PARP9: variants seen among roughly 807,000 people sequenced by gnomAD.
The protein encoded by PARP9 is protein mono-ADP-ribosyltransferase PARP9.
PARP9 carries 48 observed loss-of-function variants against 68.8 expected under a neutral mutation model. The ratio of observed to expected loss-of-function variants is 0.70; its 90% confidence interval spans 0.55 to 0.89. The LOEUF is 0.89. Among genes scored for constraint, PARP9 ranks in the 40% least tolerant of loss-of-function variants. The probability of loss-of-function intolerance (pLI) is 0.00; values close to 1 mark genes in which losing one functional copy is unlikely to be tolerated. For synonymous variants in PARP9, 309 were observed against 333.8 expected (o/e 0.93, Z 0.81); for missense variants, 806 against 969.3 (o/e 0.83, Z 2.24).
At chr3:122,530,534 T>C (rs948444491) in intron 10 of PARP9, among the ~76,000 whole-genome samples, 9 of 152,156 alleles carry the variant, frequency 5.9e-5, no homozygotes, top group Non-Finnish European at 1.0e-4. Flanking sequence ...CTTTGGGGTA[T>C]TAAAAACACT....
At position 122,540,750 on chromosome 3, in the gene PARP9, T is replaced by C. The variant is rs1280770390; in HGVS notation, c.1487A>G (p.His496Arg). 1.9e-6 allele frequency: 3 copies of C among 1,614,062 alleles called. No individual in the cohort carries two copies. The highest frequency in any genetic ancestry group is 2.5e-6 in the Non-Finnish European group (3 of 1,180,038). ...GFNVEEMYEA[H>R]AWIQRILSLQ... is the part of the protein sequence containing the mutation. ...ACTCAGGATTCTTTGGATCCATGCGTGGGCCTCATACATCTCTTCCACGTT... is the reference window on the plus strand; with the variant it reads ...ACTCAGGATTCTTTGGATCCATGCGCGGGCCTCATACATCTCTTCCACGTT... The change falls in exon 8 of 11, where the codon CAC becomes CGC. Residue 496 changes from histidine to arginine, a missense_variant. Physicochemically the swap from His to Arg is conservative, Grantham distance 29. Around this residue, in one of 2 missense-constraint regions of PARP9, gnomAD observed 680 missense variants for 858.8 expected, o/e 0.79. Coordinates refer to ENST00000682323, the MANE Select transcript of PARP9 (RefSeq NM_001146105.2).
chr3:122,536,727 T>C, intron 9 of PARP9: 1 of 593,622 alleles, frequency 1.7e-6, no homozygotes, highest in Admixed American at 3.5e-5. Context: ...CTTGCTTCTG[T>C]GTGTCCTGAT....
chr3:122,558,184 G>T, intron 3 of PARP9: 1 of 1,035,726 alleles, frequency 9.7e-7, no homozygotes, highest in Non-Finnish European at 1.4e-6. Flanking sequence ...GGTCAATTCA[G>T]CCATAGGCTG....
intron 10 of PARP9, chr3:122,532,538 G>T: frequency 1.6e-6 from 1 of 614,532 alleles, no homozygotes; most frequent in South Asian, 7.2e-5. Flanking sequence ...CCACATCTGT[G>T]GTCATGGGGA....
chr3:122,555,700 C>A lies in PARP9; in HGVS notation c.471G>T (p.Gln157His). Residue 157 changes from glutamine (Q) to histidine (H), a missense_variant, in exon 4 of 11, where the codon CAG becomes CAT. Around this residue, in one of 2 missense-constraint regions of PARP9, gnomAD observed 680 missense variants for 858.8 expected, o/e 0.79. Transcript: ENST00000682323. ...ACCGAGGCCCAACAGCATGGATGATCTGTTTGCAGGGAAGCCTCCCTGCTC... is the reference window on the plus strand; with the variant it reads ...ACCGAGGCCCAACAGCATGGATGATATGTTTGCAGGGAAGCCTCCCTGCTC... ...VTGAGRLPCK[Q>H]IIHAVGPRWM... The A allele has an allele frequency of 1.9e-6, 3 of 1,614,092 alleles. No individual in the cohort carries two copies. Among genetic ancestry groups the A allele is most frequent in the African/African-American group, 1.3e-5 (1 of 75,032 alleles).
At chr3:122,550,859 A>G (rs1435441304) in intron 5 of PARP9, 57 bp from the exon 6 acceptor site, 1 of 1,452,272 alleles carries the variant, frequency 6.9e-7, no homozygotes, top group Non-Finnish European at 9.6e-7. Flanking sequence ...GACTCCACTT[A>G]CCCCTTGATC....
At chr3:122,554,852 G>A (rs1426937455) in intron 4 of PARP9, among the ~76,000 whole-genome samples, 1 of 151,958 alleles carries the variant, frequency 6.6e-6, no homozygotes, top group Non-Finnish European at 1.5e-5. Flanking sequence ...CAAAGTAGTT[G>A]GGACTACAGA....
intron 10 of PARP9, chr3:122,533,744 G>A: frequency 1.0e-6 from 1 of 983,604 alleles, no homozygotes; most frequent in Non-Finnish European, 1.2e-6. Context: ...ACTCAACCAA[G>A]TCCTACAAGC....
intron 3 of PARP9, 110 bp downstream of exon 3, chr3:122,558,324 C>T (rs145785813): frequency 1.1e-4 from 178 of 1,613,650 alleles, no homozygotes; most frequent in Middle Eastern, 1.7e-4. Flanking sequence ...TCTGCAGTCA[C>T]GCACCTGAGC....
At chr3:122,537,305 G>A (rs2077725451) in intron 8 of PARP9, among the ~76,000 whole-genome samples, 1 of 152,198 alleles carries the variant, frequency 6.6e-6, no homozygotes, top group Admixed American at 6.5e-5. Context: ...GGGGATGTGA[G>A]TAAAAGGAGC....
At chr3:122,540,308 GC>G (rs1472538104) in intron 8 of PARP9, among the ~76,000 whole-genome samples, 163 bp downstream of exon 8, 1 of 152,154 alleles carries the variant, frequency 6.6e-6, no homozygotes, top group Non-Finnish European at 1.5e-5. Flanking sequence ...TCAAAAGAGA[GC>G]AAAAAAATAG....
At chr3:122,562,156 CTCTTTTCTTTTCTTTTCTTT>C (rs11276615) in intron 1 of PARP9, among the ~76,000 whole-genome samples, 4,118 of 141,254 alleles carry the variant, frequency 0.029, 137 homozygotes, top group African/African-American at 0.078. Context: ...TGGCAATATA[CTCTTTTCTTTTCTTTTCTTT>C]TCTTTTCTTT....
chr3:122,546,218 A>T (rs1251394731), intron 6 of PARP9, among the ~76,000 whole-genome samples: 5 of 152,240 alleles, frequency 3.3e-5, no homozygotes, highest in Non-Finnish European at 1.5e-5. Flanking sequence ...GATGGTGCAG[A>T]AGTGATATAC....
At chr3:122,536,587 A>G (rs746668939) in intron 9 of PARP9, 17 of 652,204 alleles carry the variant, frequency 2.6e-5, no homozygotes, top group Middle Eastern at 4.2e-4. Context: ...TGACCTAGAC[A>G]TAGTCTCTGC....
intron 10 of PARP9, chr3:122,534,185 A>C: frequency 1.2e-6 from 1 of 802,616 alleles, no homozygotes; most frequent in Non-Finnish European, 1.5e-6. Flanking sequence ...GGTTATAAAG[A>C]CATAAACTTA....
At chr3:122,539,456 A>G (rs1474328444) in intron 8 of PARP9, among the ~76,000 whole-genome samples, 2 of 152,182 alleles carry the variant, frequency 1.3e-5, no homozygotes, top group African/African-American at 4.8e-5. Context: ...TGCAATATGC[A>G]TTAGTTGAAT....
At chr3:122,547,098 A>G (rs199654035) in intron 6 of PARP9, among the ~76,000 whole-genome samples, 1 of 85,790 alleles carries the variant, frequency 1.2e-5, no homozygotes, top group Non-Finnish European at 3.0e-5. Flanking sequence ...ATATATATAC[A>G]CGTATTTTTT....
chr3:122,563,806 G>A (rs2080443757), intron 1 of PARP9, among the ~76,000 whole-genome samples: 1 of 152,036 alleles, frequency 6.6e-6, no homozygotes, highest in Non-Finnish European at 1.5e-5. Context: ...TTGGTTCACA[G>A]GTCCGCCTCC....
At chr3:122,539,357 G>C (rs1325134837) in intron 8 of PARP9, among the ~76,000 whole-genome samples, 1 of 152,010 alleles carries the variant, frequency 6.6e-6, no homozygotes, top group Non-Finnish European at 1.5e-5. Context: ...GCTCGTCAAG[G>C]TCCCCCATTA....
Sources: gnomAD v4.1 joint callset for allele counts (sites outside exome capture counted in the v4.1 genomes callset) on GRCh38, gnomAD v4.1.1 for gene constraint, gnomAD v4.1.1 regional missense constraint, MANE v1.5 for transcripts, NCBI Gene and HGNC (gene_info 2026-07-23, HGNC 2026-07-21) for gene names.